The following REL variants were observed in gnomAD, a reference collection of about 807,000 sequenced individuals.
REL encodes proto-oncogene c-Rel.
Under a neutral mutation model 45.9 loss-of-function variants are expected in REL, and 15 were observed. The observed-to-expected ratio is 0.33, with a 90% CI of 0.22 to 0.50. REL has a LOEUF of 0.50. Ranked by LOEUF, REL falls within the 20% of genes least tolerant of loss-of-function variation. The pLI, the probability that REL is intolerant of heterozygous loss-of-function variation, is 0.98. For synonymous variants in REL, 239 were observed against 242.1 expected (o/e 0.99, Z 0.12); for missense variants, 601 against 715.2 (o/e 0.84, Z 1.82).
chr2:60,885,886 T>C (rs899006443), intron 1 of REL, among the ~76,000 whole-genome samples: 2 of 152,234 alleles, frequency 1.3e-5, no homozygotes, highest in Non-Finnish European at 2.9e-5. Context: ...TTGTAAATTA[T>C]TTACTTTTTA....
intron 1 of REL, among the ~76,000 whole-genome samples, chr2:60,886,485 T>C (rs1468126362): frequency 6.6e-6 from 1 of 152,220 alleles, no homozygotes; most frequent in Non-Finnish European, 1.5e-5. Context: ...AATTCATTTT[T>C]ATTATAACTT....
chr2:60,893,494 C>A (rs1673272196), intron 2 of REL, among the ~76,000 whole-genome samples: 1 of 152,134 alleles, frequency 6.6e-6, no homozygotes, highest in African/African-American at 2.4e-5. Flanking sequence ...TTCATCTTAT[C>A]CTATGCATCT....
chr2:60,893,594 C>T (rs1423884805), intron 2 of REL, among the ~76,000 whole-genome samples: 1 of 152,174 alleles, frequency 6.6e-6, no homozygotes, highest in Non-Finnish European at 1.5e-5. Context: ...TAGTCTTGAG[C>T]AATTACCTTC....
chr2:60,886,225 A>G (rs1673068931), intron 1 of REL, among the ~76,000 whole-genome samples: 1 of 152,178 alleles, frequency 6.6e-6, no homozygotes, highest in African/African-American at 2.4e-5. Context: ...AAACATCTCA[A>G]GTGGGGTAAG....
Position 60,930,753 on chromosome 2 carries a change from G to A in REL, c.*8218G>A, listed in dbSNP as rs1455080070. On this transcript the variant is annotated 3_prime_UTR_variant, in exon 10 of 10. Coordinates refer to ENST00000394479, the MANE Select transcript of REL (RefSeq NM_001291746.2). ...GGCTTTAGGAAAATACCACCAGCTA[G>A]TACTTACCTATTTAAAGATGTAGAA... is the stretch of plus-strand genomic sequence containing the variant. The A allele has an allele frequency of 1.3e-5, 2 of 152,218 alleles. No homozygotes were observed. Among genetic ancestry groups the A allele is most frequent in the Non-Finnish European group, 2.9e-5 (2 of 68,000 alleles). 9.4% of individuals were successfully genotyped at this position (152,218 alleles called of 1,614,324 possible).
At chr2:60,920,161 T>TAAA (rs771949737) in intron 8 of REL, 52 bp downstream of exon 8, 2 of 1,282,794 alleles carry the variant, frequency 1.6e-6, no homozygotes, top group Non-Finnish European at 1.1e-6. Flanking sequence ...TTTTATTTAC[T>TAAA]TTATTCAGTT....
chr2:60,896,228 C>G (rs1203234064), intron 3 of REL, among the ~76,000 whole-genome samples: 1 of 152,044 alleles, frequency 6.6e-6, no homozygotes, highest in Non-Finnish European at 1.5e-5. Context: ...GGGCTGGTCT[C>G]GAATTCCTGA....
At position 60,924,783 on chromosome 2, in the gene REL, TG is replaced by T. The variant is rs1316929973; in HGVS notation, c.*2250del. Reference sequence around the variant, plus strand: ...GAGACTTGTCACATATTCATTTGGCTGGTTTCAAATGGTGAGCTGAATGCTG... The same window carrying T: ...GAGACTTGTCACATATTCATTTGGCTGTTTCAAATGGTGAGCTGAATGCTG... On this transcript the variant is annotated 3_prime_UTR_variant, in exon 10 of 10. Transcript: ENST00000394479. The T allele has an allele frequency of 4.8e-6, 1 of 206,550 alleles. No individual in the cohort carries two copies. The highest frequency in any genetic ancestry group is 2.3e-5 in the African/African-American group (1 of 43,930). The allele number at this position is 206,550 out of a possible 1,614,324, so 12.8% of individuals were successfully genotyped here. A position where few individuals can be genotyped will look rare whatever the true frequency, so the allele number is the denominator to read the frequency against.
rs951559370 is a variant in REL, at chr2:60,921,854, C to T, written c.1083C>T (p.Pro361=). The change falls in exon 10 of 10, where the codon CCC becomes CCT. Residue 361 remains proline, a synonymous_variant. Coordinates refer to ENST00000394479, the MANE Select transcript of REL (RefSeq NM_001291746.2). ...AATCCTACTATCCCTCACCTGGGCCCATCTCAAGTGGATTGTCACATCATG... is the reference window on the plus strand; with the variant it reads ...AATCCTACTATCCCTCACCTGGGCCTATCTCAAGTGGATTGTCACATCATG... The part of the protein sequence containing the change: ...QAESYYPSPG[P]ISSGLSHHAS... The T allele has an allele frequency of 3.1e-6, 5 of 1,614,002 alleles. No homozygotes were observed. The highest frequency in any genetic ancestry group is 1.7e-5 in the Admixed American group (1 of 59,988).
rs532021351 is a variant in REL at position 60,928,273 on chromosome 2, C to T, written c.*5738C>T. On this transcript the variant is annotated 3_prime_UTR_variant, in exon 10 of 10. Transcript: ENST00000394479. The stretch of plus-strand genomic sequence containing the variant: ...CCAAGGTAATTTACAGATTCAGTGC[C>T]ATCCCCATCAAGCTACCAATGCCTT... The T allele has an allele frequency of 1.3e-5, 2 of 155,016 alleles. No individual in the cohort carries two copies. The highest frequency in any genetic ancestry group is 2.9e-5 in the Non-Finnish European group (2 of 69,716). 9.6% of individuals were successfully genotyped at this position (155,016 alleles called of 1,614,324 possible).
At chr2:60,883,956 G>C (rs1471135794) in intron 1 of REL, among the ~76,000 whole-genome samples, 1 of 131,578 alleles carries the variant, frequency 7.6e-6, no homozygotes, top group Non-Finnish European at 1.8e-5. Context: ...GCCAGGCCTG[G>C]AATAAAAAAA....
At position 60,922,585 on chromosome 2, in the gene REL, A is replaced by T; in HGVS notation, c.*50A>T. On this transcript the variant is annotated 3_prime_UTR_variant, in exon 10 of 10. Transcript: ENST00000394479. ...ATCTTGATACCACCTATATAGATGC[A>T]GCATTTTGTATTTGTCTAACTGGGG... The T allele has an allele frequency of 6.7e-7, 1 of 1,493,842 alleles. No homozygotes were observed. The highest frequency in any genetic ancestry group is 8.9e-7 in the Non-Finnish European group (1 of 1,121,028). 92.5% of individuals were successfully genotyped at this position (1,493,842 alleles called of 1,614,324 possible). A position where few individuals can be genotyped will look rare whatever the true frequency, so the allele number is the denominator to read the frequency against.
At position 60,881,648 on chromosome 2, in the gene REL, C is replaced by T; in HGVS notation, c.-193C>T. 1.9e-6 allele frequency: 1 copy of T among 523,242 alleles called. No homozygotes were observed. Among genetic ancestry groups the T allele is most frequent in the Non-Finnish European group, 3.4e-6 (1 of 295,438 alleles). The allele number at this position is 523,242 out of a possible 1,614,324, so 32.4% of individuals were successfully genotyped here. ...CGGCGACGCTGGGTGACCCGGGGTG[C>T]AAGAATTCAGGGGTTGGGAAGGTGT... On this transcript the variant is annotated 5_prime_UTR_variant, in exon 1 of 10. Coordinates refer to ENST00000394479, the MANE Select transcript of REL (RefSeq NM_001291746.2).
In REL at chr2:60,924,841, A is replaced by T. The variant is rs1439107355; in HGVS notation, c.*2306A>T. The T allele has an allele frequency of 1.4e-5, 3 of 210,336 alleles. No individual in the cohort carries two copies. The highest frequency in any genetic ancestry group is 6.8e-5 in the African/African-American group (3 of 44,238). The allele number at this position is 210,336 out of a possible 1,614,324, so 13.0% of individuals were successfully genotyped here. A position where few individuals can be genotyped will look rare whatever the true frequency, so the allele number is the denominator to read the frequency against. ...CTCTACTAGCTCCTTAATCAGATTT[A>T]AAATTCTCAGTGTTTCCTAGTTGTT... On this transcript the variant is annotated 3_prime_UTR_variant, in exon 10 of 10. Coordinates refer to ENST00000394479, the MANE Select transcript of REL (RefSeq NM_001291746.2).
Position 60,891,690 on chromosome 2 carries a change from T to C in REL, c.18T>C (p.Tyr6=). 6.2e-7 allele frequency: 1 copy of C among 1,610,662 alleles called. No individual in the cohort carries two copies. The highest frequency in any genetic ancestry group is 2.2e-5 in the East Asian group (1 of 44,722). MASGA[Y]NPYIEIIEQP... ...TTTTTAAAAACTTTTCAGGTGCGTATAACCCGTATATAGAGATAATTGAAC... is the reference window on the plus strand; with the variant it reads ...TTTTTAAAAACTTTTCAGGTGCGTACAACCCGTATATAGAGATAATTGAAC... Residue 6 remains tyrosine (Y), a synonymous_variant, in exon 2 of 10, where the codon TAT becomes TAC. Transcript: ENST00000394479.
At position 60,931,015 on chromosome 2, in the gene REL, C is replaced by T. The variant is rs559060661; in HGVS notation, c.*8480C>T. On this transcript the variant is annotated 3_prime_UTR_variant, in exon 10 of 10. Coordinates refer to ENST00000394479, the MANE Select transcript of REL (RefSeq NM_001291746.2). Reference sequence around the variant, plus strand: ...TCAAACATTCATCTTGCCCATTTTTCCTCTTAAACTTTATTATCTAATCAA... The same window carrying T: ...TCAAACATTCATCTTGCCCATTTTTTCTCTTAAACTTTATTATCTAATCAA... 4 of 152,360 alleles carry T rather than the reference C, an allele frequency of 2.6e-5. No individual in the cohort carries two copies. The highest frequency in any genetic ancestry group is 9.6e-5 in the African/African-American group (4 of 41,538). 9.4% of individuals were successfully genotyped at this position (152,360 alleles called of 1,614,324 possible). A position where few individuals can be genotyped will look rare whatever the true frequency, so the allele number is the denominator to read the frequency against.
chr2:60,894,379 AT>A lies in REL; in HGVS notation c.154-15del, dbSNP rs1673295371. 1 of 1,429,582 alleles carries A rather than the reference AT, an allele frequency of 7.0e-7. No individual in the cohort carries two copies. The highest frequency in any genetic ancestry group is 9.5e-7 in the Non-Finnish European group (1 of 1,053,828). The allele number at this position is 1,429,582 out of a possible 1,614,324, so 88.6% of individuals were successfully genotyped here. On this transcript the variant is annotated splice_polypyrimidine_tract_variant and intron_variant, in intron 2 of 9. Transcript: ENST00000394479. The stretch of plus-strand genomic sequence containing the variant: ...GCAGTCTATTTGGATCATGTATTTA[AT>A]TTCCCCCTTTTTTCAGATTATGAAC...
intron 3 of REL, 29 bp downstream of exon 3, chr2:60,894,574 A>C (rs1399844960): frequency 1.3e-6 from 2 of 1,515,124 alleles, no homozygotes; most frequent in African/African-American, 2.8e-5. Flanking sequence ...ACATCTTCAG[A>C]AATAAGATAA....
At chr2:60,918,092 T>C (rs1674033151) in intron 5 of REL, 99 bp from the exon 6 acceptor site, 7 of 699,838 alleles carry the variant, frequency 1.0e-5, no homozygotes, top group Non-Finnish European at 1.4e-5. Flanking sequence ...CACTAAAACT[T>C]TTATTCTGTG....
Sources: allele counts gnomAD v4.1 joint callset (sites outside exome capture counted in the v4.1 genomes callset), GRCh38; gene constraint gnomAD v4.1.1; transcripts MANE v1.5; gene names NCBI Gene and HGNC (gene_info 2026-07-23, HGNC 2026-07-21).